The following PCNX1 variants were observed in gnomAD, a reference collection of about 807,000 sequenced individuals.
PCNX1 encodes the protein pecanex-like protein 1.
Under a neutral mutation model 242.2 loss-of-function variants are expected in PCNX1, and 78 were observed. That is an observed-to-expected ratio of 0.32 (90% CI 0.27 to 0.39). The LOEUF is 0.39. PCNX1 is among the 10% of genes least tolerant of loss of function. The pLI is 1.00. For synonymous variants in PCNX1, 1,024 were observed against 1,032.9 expected, an observed-to-expected ratio of 0.99 and a Z score of 0.17; for missense variants, 2,581 against 2,856.5, an observed-to-expected ratio of 0.90 and a Z score of 2.20.
intron 6 of PCNX1, among the ~76,000 whole-genome samples, chr14:70,979,530 T>G (rs2058776179): frequency 6.6e-6 from 1 of 152,090 alleles, no homozygotes; most frequent in African/African-American, 2.4e-5. Context: ...AATCAGGTCT[T>G]TTGTTGTTAG....
chr14:70,977,572 G>C lies in PCNX1; in HGVS notation c.1235G>C (p.Ser412Thr). The C allele has an allele frequency of 1.9e-6, 3 of 1,614,196 alleles. No homozygotes were observed. The South Asian group carries it at 3.3e-5, about 18-fold the overall frequency. ...SEQTSSTHIE[S>T]ILSEHEESPK... ...CAGACCAGCTCAACTCACATAGAGAGCATCCTGTCAGAGCATGAGGAGTCT... is the reference window on the plus strand; with the variant it reads ...CAGACCAGCTCAACTCACATAGAGACCATCCTGTCAGAGCATGAGGAGTCT... Residue 412 changes from serine (S) to threonine (T), a missense_variant, in exon 6 of 36, where the codon AGC becomes ACC. Around this residue, in one of 9 missense-constraint regions of PCNX1, gnomAD observed 1,204 missense variants for 1,216.7 expected, o/e 0.99. Coordinates refer to ENST00000304743, the MANE Select transcript of PCNX1 (RefSeq NM_014982.3).
chr14:71,024,161 T>C lies in PCNX1; in HGVS notation c.3183+929T>C, dbSNP rs1218519953. 2.6e-5 allele frequency among the ~76,000 whole-genome samples: 4 copies of C among 152,300 alleles called. No individual in the cohort carries two copies. In the East Asian group the frequency reaches 7.7e-4, roughly 29 times the overall value. On this transcript the variant is annotated intron_variant, in intron 13 of 35. Transcript: ENST00000304743. Reference sequence around the variant, plus strand: ...ATGATCATTTTTCCTTCTTTCTCTCTGCTAGCTGACATGATGCCCCTTTAT... The same window carrying C: ...ATGATCATTTTTCCTTCTTTCTCTCCGCTAGCTGACATGATGCCCCTTTAT...
intron 30 of PCNX1, among the ~76,000 whole-genome samples, chr14:71,091,803 T>C (rs936381903): frequency 6.6e-6 from 1 of 152,226 alleles, no homozygotes; most frequent in African/African-American, 2.4e-5. Context: ...TACATATTAA[T>C]ATTATATACT....
In PCNX1 at chr14:70,907,835, G is replaced by GCGGCGC. The variant is rs769589441; in HGVS notation, c.-12_-7dup. 2.4e-6 allele frequency: 3 copies of GCGGCGC among 1,276,342 alleles called. No individual in the cohort carries two copies. The highest frequency in any genetic ancestry group is 3.1e-5 in the East Asian group (1 of 31,936). 79.1% of individuals were successfully genotyped at this position (1,276,342 alleles called of 1,614,324 possible). ...GGCGGCGGCGGCGGCGGCGACGGCG[G>GCGGCGC]CGGCGCCGGGTGGGGATGGGGTCGC... On this transcript the variant is annotated 5_prime_UTR_variant, in exon 1 of 36. Transcript: ENST00000304743.
At chr14:71,064,968 T>C (rs934637169) in intron 26 of PCNX1, among the ~76,000 whole-genome samples, 2 of 152,204 alleles carry the variant, frequency 1.3e-5, no homozygotes, top group Non-Finnish European at 2.9e-5. Context: ...TATGGATGCG[T>C]AGTATTCCAA....
rs2060440719 is a variant in PCNX1, at chr14:71,033,270, A to C, written c.3559-159A>C. ...GATTCTAACTCATCAGAAAGTAATA[A>C]ATCTAAATTTTTCTGGAATAAAATG... On this transcript the variant is annotated intron_variant, in intron 16 of 35. Coordinates refer to ENST00000304743, the MANE Select transcript of PCNX1 (RefSeq NM_014982.3). Among the ~76,000 whole-genome samples, 3 of 152,216 alleles carry C rather than the reference A, an allele frequency of 2.0e-5. No individual in the cohort carries two copies. In the South Asian group the frequency reaches 6.2e-4, roughly 32 times the overall value.
Position 71,050,739 on chromosome 14 carries a change from G to T in PCNX1, c.4426G>T (p.Ala1476Ser), listed in dbSNP as rs763999243. Residue 1476 changes from alanine to serine, a missense_variant, in exon 23 of 36, where the codon GCT becomes TCT. By Grantham distance (99) the Ala-to-Ser change is moderately conservative. Coordinates refer to ENST00000304743, the MANE Select transcript of PCNX1 (RefSeq NM_014982.3). ...ITWGSAFHAFAQPFAVPHSAM... is the reference protein window; with the variant it reads ...ITWGSAFHAFSQPFAVPHSAM... ...ATGGGGTTCTGCTTTCCATGCTTTTGCTCAGCCTTTTGCAGTGCCTCGTAT... is the reference window on the plus strand; with the variant it reads ...ATGGGGTTCTGCTTTCCATGCTTTTTCTCAGCCTTTTGCAGTGCCTCGTAT... 1.9e-6 allele frequency: 3 copies of T among 1,613,118 alleles called. No homozygotes were observed. The highest frequency in any genetic ancestry group is 2.5e-6 in the Non-Finnish European group (3 of 1,179,736).
chr14:71,070,382 A>G (rs770938582), intron 26 of PCNX1, among the ~76,000 whole-genome samples: 41 of 152,216 alleles, frequency 2.7e-4, no homozygotes, highest in Non-Finnish European at 4.7e-4. Context: ...CCTTCCAGGA[A>G]GTTGTCAGTT....
chr14:71,015,011 G>C (rs972442651), intron 11 of PCNX1, among the ~76,000 whole-genome samples: 25 of 152,224 alleles, frequency 1.6e-4, no homozygotes, highest in African/African-American at 5.8e-4. Flanking sequence ...TTTATTGTTG[G>C]AAATAACGAA....
chr14:71,079,943 G>C (rs546536821), intron 28 of PCNX1, among the ~76,000 whole-genome samples: 21 of 152,230 alleles, frequency 1.4e-4, no homozygotes, highest in African/African-American at 5.1e-4. Flanking sequence ...TGAAGTCTTT[G>C]CCTATGCCTA....
At position 70,978,558 on chromosome 14, in the gene PCNX1, T is replaced by C. The variant is rs1298702393; in HGVS notation, c.2221T>C (p.Ser741Pro). ...LDELSLLGRA[S>P]QLETVTRSRN... ...TGAGCTATCTTTATTAGGACGGGCTTCCCAGTTAGAGACAGTCACTCGATC... is the reference window on the plus strand; with the variant it reads ...TGAGCTATCTTTATTAGGACGGGCTCCCCAGTTAGAGACAGTCACTCGATC... Residue 741 changes from serine to proline, a missense_variant, in exon 6 of 36, where the codon TCC becomes CCC. Physicochemically the swap from Ser to Pro is moderately conservative, Grantham distance 74. Around this residue, in one of 9 missense-constraint regions of PCNX1, gnomAD observed 1,204 missense variants for 1,216.7 expected, o/e 0.99. Transcript: ENST00000304743. The C allele has an allele frequency of 1.9e-6, 3 of 1,614,110 alleles. No individual in the cohort carries two copies. Among genetic ancestry groups the C allele is most frequent in the Non-Finnish European group, 2.5e-6 (3 of 1,179,982 alleles).
intron 2 of PCNX1, among the ~76,000 whole-genome samples, chr14:70,947,939 G>A (rs1013123596): frequency 6.6e-6 from 1 of 152,178 alleles, no homozygotes; most frequent in Non-Finnish European, 1.5e-5. Flanking sequence ...TCTGTCTTAC[G>A]CAGTTGTGGA....
chr14:70,935,167 G>A (rs1056061676), intron 1 of PCNX1, among the ~76,000 whole-genome samples: 2 of 152,144 alleles, frequency 1.3e-5, no homozygotes, highest in Non-Finnish European at 1.5e-5. Context: ...TACAAGTATC[G>A]TTCATCAGGT....
At chr14:71,079,292 G>A (rs763544589) in intron 28 of PCNX1, among the ~76,000 whole-genome samples, 1 of 152,166 alleles carries the variant, frequency 6.6e-6, no homozygotes, top group African/African-American at 2.4e-5. Context: ...TGTGAACAGT[G>A]CTGCAATAAA....
At chr14:71,078,177 A>G (rs1243125426) in intron 28 of PCNX1, among the ~76,000 whole-genome samples, 4 of 152,094 alleles carry the variant, frequency 2.6e-5, no homozygotes, top group Admixed American at 2.6e-4. Context: ...TATCAGTTGT[A>G]TTTTTCCAGC....
At chr14:70,938,107 T>A (rs1241174025) in intron 1 of PCNX1, among the ~76,000 whole-genome samples, 1 of 152,172 alleles carries the variant, frequency 6.6e-6, no homozygotes, top group African/African-American at 2.4e-5. Context: ...CTTTTCCTAA[T>A]TGAATACCCT....
intron 1 of PCNX1, among the ~76,000 whole-genome samples, chr14:70,920,929 G>C (rs2056350301): frequency 6.6e-6 from 1 of 152,124 alleles, no homozygotes; most frequent in African/African-American, 2.4e-5. Context: ...ATTTGTGCTG[G>C]AATAGTGTTT....
intron 6 of PCNX1, among the ~76,000 whole-genome samples, chr14:70,984,323 A>G (rs902682252): frequency 2.0e-5 from 3 of 151,564 alleles, no homozygotes; most frequent in Admixed American, 6.6e-5. Context: ...CCATAGCAGT[A>G]CATGACAACT....
At chr14:70,986,870 A>G (rs2059017033) in intron 6 of PCNX1, among the ~76,000 whole-genome samples, 1 of 152,230 alleles carries the variant, frequency 6.6e-6, no homozygotes, top group Non-Finnish European at 1.5e-5. Context: ...GTTTGTAACA[A>G]CTGTAGAATA....
Sources: gnomAD v4.1 joint callset for allele counts (sites outside exome capture counted in the v4.1 genomes callset) on GRCh38, gnomAD v4.1.1 for gene constraint, gnomAD v4.1.1 regional missense constraint, MANE v1.5 for transcripts, NCBI Gene and HGNC (gene_info 2026-07-23, HGNC 2026-07-21) for gene names.